ZNF350: variants seen among roughly 807,000 people sequenced by gnomAD.
ZNF350 encodes zinc finger protein 350.
A neutral mutation model predicts 13.1 loss-of-function variants in ZNF350; 5 were observed. That is an observed-to-expected ratio of 0.38 (90% CI 0.20 to 0.80). The LOEUF (loss-of-function observed/expected upper bound fraction) is 0.80. ZNF350 is among the 30% of genes least tolerant of loss of function. The pLI, the probability that ZNF350 is intolerant of heterozygous loss-of-function variation, is 0.43. For missense variants in ZNF350, 534 were observed against 644.2 expected (o/e 0.83, Z 1.85); for synonymous variants, 199 against 224.2 (o/e 0.89, Z 1.00).
intron 1 of ZNF350, chr19:51,980,967 C>T (rs7259556): frequency 0.083 from 12,629 of 152,196 alleles, 608 homozygotes; most frequent in South Asian, 0.24. Flanking sequence ...GAATGAGAGC[C>T]TCCCAGCCCA....
intron 1 of ZNF350, among the ~76,000 whole-genome samples, chr19:51,977,448 T>A (rs1269996084): frequency 6.6e-6 from 1 of 152,206 alleles, no homozygotes; most frequent in African/African-American, 2.4e-5. Flanking sequence ...AACAGAACCA[T>A]GCTGCTGGAC....
chr19:51,966,839 G>A (rs536828502), intron 4 of ZNF350, among the ~76,000 whole-genome samples: 16 of 151,930 alleles, frequency 1.1e-4, no homozygotes, highest in South Asian at 6.2e-4. Flanking sequence ...TAGAGACGGC[G>A]TTTCACCATG....
rs146760804 is a variant in ZNF350 at position 51,980,255 on chromosome 19, C to A, written c.-171-5724G>T. 7.9e-3 allele frequency among the ~76,000 whole-genome samples: 1,203 copies of A among 152,280 alleles called. 9 individuals are homozygous for A. The highest frequency in any genetic ancestry group is 0.013 in the Admixed American group (200 of 15,296). On this transcript the variant is annotated intron_variant, in intron 1 of 4. Coordinates refer to ENST00000243644, the MANE Select transcript of ZNF350 (RefSeq NM_021632.4). ...CTACTTTGATAATGTTGGGTTGCAT[C>A]CCTGGGCTATGGATTCTTGTTAATC...
chr19:51,969,176 T>C (rs758359287), intron 2 of ZNF350, 45 bp from the exon 3 acceptor site: 2 of 1,595,074 alleles, frequency 1.3e-6, no homozygotes, highest in Admixed American at 3.4e-5. Flanking sequence ...TTTTTGATGA[T>C]GTGGAAGAAA....
Position 51,965,013 on chromosome 19 carries a change from T to G in ZNF350, c.1440A>C (p.Ala480=), listed in dbSNP as rs1333591177. Residue 480 remains alanine (A), a synonymous_variant, in exon 5 of 5, where the codon GCA becomes GCC. Coordinates refer to ENST00000243644, the MANE Select transcript of ZNF350 (RefSeq NM_021632.4). The part of the protein sequence containing the change: ...QTSLNISGLL[A]NRNVVLVGQP... ...GTCCCACAAGGACTACGTTCCTGTTTGCGAGGAGGCCGCTGATGTTTAATG... is the reference window on the plus strand; with the variant it reads ...GTCCCACAAGGACTACGTTCCTGTTGGCGAGGAGGCCGCTGATGTTTAATG... 2 of 1,614,222 alleles carry G rather than the reference T, an allele frequency of 1.2e-6. No individual in the cohort carries two copies. The highest frequency in any genetic ancestry group is 2.2e-5 in the South Asian group (2 of 91,086).
intron 1 of ZNF350, among the ~76,000 whole-genome samples, chr19:51,984,848 A>G (rs1322987731): frequency 1.5e-5 from 2 of 135,170 alleles, no homozygotes; most frequent in Non-Finnish European, 3.2e-5. Flanking sequence ...GTCATTGAGC[A>G]AAGAAAATAT....
In ZNF350 at chr19:51,965,935, T is replaced by TGAA. The variant is rs772790921; in HGVS notation, c.515_517dup (p.Leu172dup). On this transcript the variant is annotated inframe_insertion, in exon 5 of 5. Transcript: ENST00000243644. Reference sequence around the variant, plus strand: ...ACTTGCAGGGAATTTAATTGCAGTATGAAGTCGTTCATGGTTAGCATGAAG... The same window carrying TGAA: ...ACTTGCAGGGAATTTAATTGCAGTATGAAGAAGTCGTTCATGGTTAGCATGAAG... 6.2e-7 allele frequency: 1 copy of TGAA among 1,614,098 alleles called. No homozygotes were observed. Among genetic ancestry groups the TGAA allele is most frequent in the African/African-American group, 1.3e-5 (1 of 75,058 alleles).
rs2085978602 is a variant in ZNF350, at chr19:51,979,402, AC to A, written c.-171-4872del. Among the ~76,000 whole-genome samples the A allele has an allele frequency of 3.3e-5, 5 of 151,870 alleles. No individual in the cohort carries two copies. The South Asian group carries it at 1.0e-3, about 32-fold the overall frequency. On this transcript the variant is annotated intron_variant, in intron 1 of 4. Coordinates refer to ENST00000243644, the MANE Select transcript of ZNF350 (RefSeq NM_021632.4). ...GGGAGAGTGGGCTCCAGGACCCCTA[AC>A]TCCCCGTGACATAGAAAAGTTAGAC...
At chr19:51,970,949 T>G (rs2085719931) in intron 2 of ZNF350, among the ~76,000 whole-genome samples, 3 of 152,158 alleles carry the variant, frequency 2.0e-5, no homozygotes, top group African/African-American at 7.2e-5. Context: ...ATTGGAACAA[T>G]AAATGTAAGG....
chr19:51,973,114 T>C (rs1419380254), intron 2 of ZNF350: 1 of 151,874 alleles, frequency 6.6e-6, no homozygotes, highest in Non-Finnish European at 1.5e-5. Context: ...ACCCGACCAA[T>C]TTTTTGTATT....
intron 2 of ZNF350, among the ~76,000 whole-genome samples, chr19:51,971,214 T>A (rs547220244): frequency 3.3e-5 from 5 of 152,232 alleles, no homozygotes; most frequent in African/African-American, 1.2e-4. Flanking sequence ...ACACACTTGG[T>A]AGATGATACA....
In ZNF350 at chr19:51,965,538, G is replaced by A; in HGVS notation, c.915C>T (p.Leu305=). 1 of 1,614,198 alleles carries A rather than the reference G, an allele frequency of 6.2e-7. No individual in the cohort carries two copies. The highest frequency in any genetic ancestry group is 8.5e-7 in the Non-Finnish European group (1 of 1,180,018). The change falls in exon 5 of 5, where the codon CTC becomes CTT. Residue 305 remains leucine (L), a synonymous_variant. Transcript: ENST00000243644. Reference sequence around the variant, plus strand: ...CTGTATGAATTCGCTGGTGTACAATGAGATTTCCTTTCTGGATGAAGCCTT... The same window carrying A: ...CTGTATGAATTCGCTGGTGTACAATAAGATTTCCTTTCTGGATGAAGCCTT... ...CGKGFIQKGN[L]IVHQRIHTGE...
intron 1 of ZNF350, among the ~76,000 whole-genome samples, chr19:51,977,522 T>C (rs2085927238): frequency 6.6e-6 from 1 of 152,190 alleles, no homozygotes; most frequent in African/African-American, 2.4e-5. Flanking sequence ...GAACGTCAAA[T>C]GGCACTCCCA....
chr19:51,986,374 A>G (rs551021271), intron 1 of ZNF350: 2 of 152,532 alleles, frequency 1.3e-5, no homozygotes, highest in Admixed American at 6.5e-5. Flanking sequence ...CGAACCACGG[A>G]CCAGACACTC....
intron 1 of ZNF350, among the ~76,000 whole-genome samples, chr19:51,975,442 A>AAAC (rs1389838453): frequency 2.6e-5 from 4 of 151,494 alleles, no homozygotes; most frequent in Middle Eastern, 3.4e-3. Context: ...AAAAAAAAAA[A>AAAC]AAAAAAAAAA....
At chr19:51,983,858 CTT>C (rs2086111920) in intron 1 of ZNF350, among the ~76,000 whole-genome samples, 1 of 152,212 alleles carries the variant, frequency 6.6e-6, no homozygotes, top group African/African-American at 2.4e-5. Context: ...TTCCTCTGTA[CTT>C]TCTCTCTGTG....
intron 2 of ZNF350, among the ~76,000 whole-genome samples, chr19:51,969,415 A>T (rs1372024026): frequency 6.6e-6 from 1 of 151,994 alleles, no homozygotes; most frequent in Non-Finnish European, 1.5e-5. Flanking sequence ...ATATATATGA[A>T]TATATGTACA....
intron 2 of ZNF350, 121 bp from the exon 3 acceptor site, chr19:51,969,252 TA>T: frequency 8.5e-7 from 1 of 1,171,632 alleles, no homozygotes; most frequent in Non-Finnish European, 1.2e-6. Flanking sequence ...GTTTTTTTTT[TA>T]ATACAATGTG....
intron 1 of ZNF350, chr19:51,981,005 A>G (rs2086020173): frequency 6.6e-6 from 1 of 152,204 alleles, no homozygotes; most frequent in Non-Finnish European, 1.5e-5. Flanking sequence ...TTAATACATA[A>G]ACAGAAAGGG....
Sources: allele counts gnomAD v4.1 joint callset (sites outside exome capture counted in the v4.1 genomes callset), GRCh38; gene constraint gnomAD v4.1.1; transcripts MANE v1.5; gene names NCBI Gene and HGNC (gene_info 2026-07-23, HGNC 2026-07-21).